The following ALK variants were observed in gnomAD, a reference collection of about 807,000 sequenced individuals.
ALK encodes the protein ALK receptor tyrosine kinase.
Under a neutral mutation model 163.1 loss-of-function variants are expected in ALK, and 74 were observed. The observed-to-expected ratio is 0.45, with a 90% CI of 0.38 to 0.55. ALK has a LOEUF of 0.55. Ranked by LOEUF, ALK falls within the 20% of genes least tolerant of loss-of-function variation. The pLI is 0.00. For synonymous variants in ALK, 960 were observed against 843.2 expected (o/e 1.14, Z -2.40); for missense variants, 2,063 against 2,105.3 (o/e 0.98, Z 0.39).
chr2:29,419,475 C>T (rs187164141), intron 4 of ALK, among the ~76,000 whole-genome samples: 4 of 151,422 alleles, frequency 2.6e-5, no homozygotes, highest in Admixed American at 6.6e-5. Context: ...GAGGTGAGGT[C>T]CTTCTGGGTG....
intron 1 of ALK, among the ~76,000 whole-genome samples, chr2:29,820,227 G>A (rs1244828605): frequency 6.6e-6 from 1 of 152,208 alleles, no homozygotes; most frequent in Non-Finnish European, 1.5e-5. Flanking sequence ...GGAGAAACCA[G>A]CTGCCACGCC....
intron 20 of ALK, 46 bp from the exon 21 acceptor site, chr2:29,222,653 A>G: frequency 6.4e-7 from 1 of 1,568,274 alleles, no homozygotes; most frequent in Non-Finnish European, 8.7e-7. Context: ...AACAGGCCAC[A>G]ATAATGAGGC....
chr2:29,566,471 T>C (rs1274808567), intron 3 of ALK, among the ~76,000 whole-genome samples: 2 of 152,152 alleles, frequency 1.3e-5, no homozygotes, highest in African/African-American at 4.8e-5. Flanking sequence ...AGTACACTCA[T>C]GTGTTGTTAA....
At chr2:29,236,941 C>A (rs1170528832) in intron 13 of ALK, among the ~76,000 whole-genome samples, 2 of 152,172 alleles carry the variant, frequency 1.3e-5, no homozygotes, top group Admixed American at 1.3e-4. Flanking sequence ...TGGCTGTCTA[C>A]CAGGCCTCTA....
intron 1 of ALK, among the ~76,000 whole-genome samples, chr2:29,752,781 T>C (rs1312513575): frequency 6.6e-6 from 1 of 152,218 alleles, no homozygotes; most frequent in African/African-American, 2.4e-5. Flanking sequence ...AAGGTTCTCC[T>C]TCCTGGAAGA....
intron 24 of ALK, among the ~76,000 whole-genome samples, chr2:29,212,504 G>A (rs549861214): frequency 5.9e-5 from 9 of 152,310 alleles, no homozygotes; most frequent in Admixed American, 1.3e-4. Context: ...AAGTTGGAAA[G>A]GGTTAGAAGC....
rs550064987 is a variant in ALK at position 29,745,634 on chromosome 2, T to C, written c.668-27937A>G. Among the ~76,000 whole-genome samples, 12 of 152,334 alleles carry C rather than the reference T, an allele frequency of 7.9e-5. No individual in the cohort carries two copies. The South Asian group carries it at 2.3e-3, about 29-fold the overall frequency. ...TTTCATCCTTTGGACCCAGCTTAAATGTCACCTGCTCAAAAAGTCCTTCTC... is the reference window on the plus strand; with the variant it reads ...TTTCATCCTTTGGACCCAGCTTAAACGTCACCTGCTCAAAAAGTCCTTCTC... On this transcript the variant is annotated intron_variant, in intron 1 of 28. Transcript: ENST00000389048.
intron 1 of ALK, among the ~76,000 whole-genome samples, chr2:29,787,721 G>A (rs536914511): frequency 2.0e-5 from 3 of 152,288 alleles, no homozygotes; most frequent in African/African-American, 4.8e-5. Flanking sequence ...AAGACAGTAG[G>A]GTGGGTTAAG....
In ALK at chr2:29,920,693, G is replaced by T. The variant is rs1320664227; in HGVS notation, c.-34C>A. ...AGGAGGCCGTTTACACTGCTCTCCG[G>T]GCCCAGCCTCACCCTTCGCTCTCCC... On this transcript the variant is annotated 5_prime_UTR_variant, in exon 1 of 29. Coordinates refer to ENST00000389048, the MANE Select transcript of ALK (RefSeq NM_004304.5). 9 of 1,517,824 alleles carry T rather than the reference G, an allele frequency of 5.9e-6. No homozygotes were observed. Among genetic ancestry groups the T allele is most frequent in the Non-Finnish European group, 7.1e-6 (8 of 1,132,780 alleles). 94.0% of individuals were successfully genotyped at this position (1,517,824 alleles called of 1,614,324 possible).
intron 4 of ALK, among the ~76,000 whole-genome samples, chr2:29,434,100 A>G (rs1004220970): frequency 2.0e-5 from 3 of 152,264 alleles, no homozygotes; most frequent in Middle Eastern, 3.4e-3. Flanking sequence ...GATGCTTTCC[A>G]TATCATTTCA....
intron 1 of ALK, among the ~76,000 whole-genome samples, chr2:29,883,483 A>C (rs969037262): frequency 1.3e-5 from 2 of 152,186 alleles, no homozygotes; most frequent in African/African-American, 4.8e-5. Flanking sequence ...CATGATGATG[A>C]ATTTCTGAGG....
intron 3 of ALK, among the ~76,000 whole-genome samples, chr2:29,647,775 C>CTT (rs34620705): frequency 0.06 from 6,984 of 116,940 alleles, 379 homozygotes; most frequent in African/African-American, 0.14. Context: ...ATGATTTTTT[C>CTT]TTTTTTTTTT....
In ALK at chr2:29,562,376, A is replaced by C. The variant is rs189009674; in HGVS notation, c.953-30260T>G. ...CCAGGACTTCTCTACTCTTTTCTACACTATACATCCCATTTCCTTGATCTG... is the reference window on the plus strand; with the variant it reads ...CCAGGACTTCTCTACTCTTTTCTACCCTATACATCCCATTTCCTTGATCTG... On this transcript the variant is annotated intron_variant, in intron 3 of 28. Transcript: ENST00000389048. 1.2e-4 allele frequency among the ~76,000 whole-genome samples: 18 copies of C among 146,886 alleles called. No homozygotes were observed. In the East Asian group the frequency reaches 2.7e-3, roughly 22 times the overall value.
At chr2:29,805,584 G>A (rs56736594) in intron 1 of ALK, among the ~76,000 whole-genome samples, 5,348 of 152,228 alleles carry the variant, frequency 0.035, 328 homozygotes, top group African/African-American at 0.12. Flanking sequence ...ATAGGTGGGA[G>A]CATGTGGTAT....
In ALK at chr2:29,332,384, C is replaced by A. The variant is rs369840492; in HGVS notation, c.1283-3903G>T. The stretch of plus-strand genomic sequence containing the variant: ...CTAGGCTATGTCTGTTTCATCCACA[C>A]CTTATGTCCCAATGGGCATGGGTGT... On this transcript the variant is annotated intron_variant, in intron 5 of 28. Coordinates refer to ENST00000389048, the MANE Select transcript of ALK (RefSeq NM_004304.5). Among the ~76,000 whole-genome samples the A allele has an allele frequency of 1.5e-4, 23 of 148,990 alleles. No homozygotes were observed. The South Asian group carries it at 4.7e-3, about 31-fold the overall frequency.
At chr2:29,275,635 G>A (rs977153715) in intron 9 of ALK, 139 bp from the exon 10 acceptor site, 7 of 818,440 alleles carry the variant, frequency 8.6e-6, no homozygotes, top group East Asian at 2.6e-5. Context: ...GAGCAGTGGC[G>A]AGAGAAGAGC....
intron 14 of ALK, 141 bp downstream of exon 14, chr2:29,233,424 G>T: frequency 8.0e-7 from 1 of 1,251,216 alleles, no homozygotes; most frequent in Non-Finnish European, 1.2e-6. Context: ...AGGATTACAG[G>T]AATGAGCCAC....
chr2:29,247,885 T>C (rs1664725301), intron 12 of ALK, among the ~76,000 whole-genome samples: 2 of 152,180 alleles, frequency 1.3e-5, no homozygotes, highest in South Asian at 4.1e-4. Flanking sequence ...TCACGTCCTC[T>C]GGTGCATCTT....
At chr2:29,734,267 A>T (rs1214683087) in intron 1 of ALK, among the ~76,000 whole-genome samples, 4 of 152,206 alleles carry the variant, frequency 2.6e-5, no homozygotes, top group South Asian at 2.1e-4. Flanking sequence ...GCTGCAGACC[A>T]TCTCCATCCC....
Sources: allele counts gnomAD v4.1 joint callset (sites outside exome capture counted in the v4.1 genomes callset), GRCh38; gene constraint gnomAD v4.1.1; transcripts MANE v1.5; gene names NCBI Gene and HGNC (gene_info 2026-07-23, HGNC 2026-07-21).